DLGAP1: variants seen among roughly 807,000 people sequenced by gnomAD.
The protein encoded by DLGAP1 is DLG associated protein 1, also known as disks large-associated protein 1.
DLGAP1 carries 11 observed loss-of-function variants against 90.8 expected under a neutral mutation model. The ratio of observed to expected loss-of-function variants is 0.12; its 90% CI spans 0.08 to 0.20. The LOEUF (loss-of-function observed/expected upper bound fraction) is 0.20. Ranked by LOEUF, DLGAP1 falls within the 10% of genes least tolerant of loss-of-function variation. The pLI, the probability that DLGAP1 is intolerant of heterozygous loss-of-function variation, is 1.00. For missense variants in DLGAP1, 1,050 were observed against 1,333.8 expected (o/e 0.79, Z 3.31); for synonymous variants, 558 against 540.7 (o/e 1.03, Z -0.44).
At chr18:3,734,452 T>C (rs2062563986) in intron 6 of DLGAP1, among the ~76,000 whole-genome samples, 2 of 150,674 alleles carry the variant, frequency 1.3e-5, no homozygotes, top group African/African-American at 2.5e-5. Flanking sequence ...TTCCTTCCTT[T>C]CTAGTTCCTT....
intron 1 of DLGAP1, among the ~76,000 whole-genome samples, chr18:4,404,598 G>A (rs1215210231): frequency 6.6e-6 from 1 of 152,024 alleles, no homozygotes; most frequent in Non-Finnish European, 1.5e-5. Flanking sequence ...TAGCTTTGAG[G>A]GTTAAAATAA....
chr18:3,715,373 C>T (rs2061728293), intron 7 of DLGAP1, among the ~76,000 whole-genome samples: 1 of 152,234 alleles, frequency 6.6e-6, no homozygotes. Context: ...CCAGCTAACT[C>T]AGTAGCACTA....
At chr18:3,635,857 C>T (rs1358038177) in intron 7 of DLGAP1, among the ~76,000 whole-genome samples, 1 of 151,522 alleles carries the variant, frequency 6.6e-6, no homozygotes, top group East Asian at 2.0e-4. Context: ...CCTCAATAAT[C>T]ACTGGATTTT....
intron 2 of DLGAP1, among the ~76,000 whole-genome samples, chr18:4,122,528 G>T (rs1347259625): frequency 1.3e-5 from 2 of 152,200 alleles, no homozygotes; most frequent in Non-Finnish European, 2.9e-5. Flanking sequence ...GCAAGTCCCT[G>T]TGGAACTGTA....
Position 4,008,878 on chromosome 18 carries a change from C to T in DLGAP1, c.-158-3677G>A, listed in dbSNP as rs151192297. 6.0e-3 allele frequency among the ~76,000 whole-genome samples: 910 copies of T among 152,206 alleles called. 4 individuals carry two copies. Among genetic ancestry groups the T allele is most frequent in the South Asian group, 0.023 (113 of 4,824 alleles). ...CTGCTGATGAAGCCTTGCTACAGGACGTGGGAAGGGAGTGACAGCCACCGA... is the reference window on the plus strand; with the variant it reads ...CTGCTGATGAAGCCTTGCTACAGGATGTGGGAAGGGAGTGACAGCCACCGA... On this transcript the variant is annotated intron_variant, in intron 2 of 12. Transcript: ENST00000315677.
At chr18:3,884,221 T>C (rs2071252301) in intron 3 of DLGAP1, among the ~76,000 whole-genome samples, 1 of 152,216 alleles carries the variant, frequency 6.6e-6, no homozygotes, top group African/African-American at 2.4e-5. Flanking sequence ...GATGCAAAAA[T>C]CCATTGCATA....
chr18:3,659,718 A>T (rs1340777851), intron 7 of DLGAP1, among the ~76,000 whole-genome samples: 1 of 152,090 alleles, frequency 6.6e-6, no homozygotes, highest in Non-Finnish European at 1.5e-5. Flanking sequence ...GGCACGCCTG[A>T]CCACACCCAG....
At chr18:3,817,973 G>T (rs1016204865) in intron 4 of DLGAP1, among the ~76,000 whole-genome samples, 3 of 152,196 alleles carry the variant, frequency 2.0e-5, no homozygotes, top group African/African-American at 7.2e-5. Context: ...AAGAGTGCAG[G>T]TCCTCATTGA....
In DLGAP1 at chr18:3,879,098, G is replaced by T; in HGVS notation, c.957+14C>A. ...GTACTACTTCTAAGCCTCCATCATT[G>T]ACAGAAATGGTACCTGCAGGTACTG... On this transcript the variant is annotated intron_variant, in intron 4 of 12. Coordinates refer to ENST00000315677, the MANE Select transcript of DLGAP1 (RefSeq NM_004746.4). This position sits in a 1 kb window ranked among gnomAD's most constrained non-coding sequence, Gnocchi z 6.6. 1.3e-6 allele frequency: 2 copies of T among 1,486,232 alleles called. No homozygotes were observed. Among genetic ancestry groups the T allele is most frequent in the South Asian group, 2.9e-5 (2 of 69,882 alleles). The allele number at this position is 1,486,232 out of a possible 1,614,324, so 92.1% of individuals were successfully genotyped here.
chr18:3,520,168 C>T (rs554442612), intron 10 of DLGAP1, among the ~76,000 whole-genome samples: 15 of 152,208 alleles, frequency 9.9e-5, no homozygotes, highest in Admixed American at 8.5e-4. Context: ...AACCTTTCTG[C>T]CCCCACCCTA....
intron 2 of DLGAP1, among the ~76,000 whole-genome samples, chr18:4,091,509 A>G (rs1196498289): frequency 6.6e-6 from 1 of 152,174 alleles, no homozygotes; most frequent in African/African-American, 2.4e-5. Context: ...TTATACATAT[A>G]TTCAATCATT....
chr18:4,437,396 T>C (rs2083426345), intron 1 of DLGAP1, among the ~76,000 whole-genome samples: 1 of 152,206 alleles, frequency 6.6e-6, no homozygotes, highest in Admixed American at 6.5e-5. Context: ...TAGGACCTCC[T>C]GTAGATACCA....
intron 7 of DLGAP1, among the ~76,000 whole-genome samples, chr18:3,599,522 T>C (rs1004164942): frequency 5.3e-5 from 8 of 152,232 alleles, no homozygotes; most frequent in Non-Finnish European, 1.5e-5. Context: ...AGCTCTGTGC[T>C]AACTAAGCCC....
intron 3 of DLGAP1, among the ~76,000 whole-genome samples, chr18:3,956,326 C>A (rs566845092): frequency 2.0e-4 from 31 of 152,258 alleles, no homozygotes; most frequent in African/African-American, 6.3e-4. Context: ...AGATGTTTCA[C>A]CCTGAAAGAA....
At chr18:3,986,556 A>C (rs771372612) in intron 3 of DLGAP1, 1 of 151,684 alleles carries the variant, frequency 6.6e-6, no homozygotes, top group African/African-American at 2.4e-5. Flanking sequence ...TCATGCTTTT[A>C]TTTTCTTTAA....
chr18:4,049,644 G>A (rs2075104208), intron 2 of DLGAP1, among the ~76,000 whole-genome samples: 1 of 152,156 alleles, frequency 6.6e-6, no homozygotes, highest in Non-Finnish European at 1.5e-5. Context: ...ATCTGCCTTA[G>A]TCCTTGCTCT....
chr18:3,780,580 A>G (rs968082231), intron 5 of DLGAP1, among the ~76,000 whole-genome samples: 2 of 152,056 alleles, frequency 1.3e-5, no homozygotes, highest in African/African-American at 4.8e-5. Context: ...GCTGCTTGTG[A>G]TTATCCAACT....
intron 3 of DLGAP1, among the ~76,000 whole-genome samples, chr18:3,886,977 A>G (rs149638525): frequency 7.2e-5 from 11 of 152,340 alleles, no homozygotes; most frequent in Non-Finnish European, 1.6e-4. Context: ...GAGAAACAAA[A>G]GATAAAGGTT....
chr18:4,092,709 C>G (rs2075789368), intron 2 of DLGAP1, among the ~76,000 whole-genome samples: 1 of 151,994 alleles, frequency 6.6e-6, no homozygotes, highest in Non-Finnish European at 1.5e-5. Flanking sequence ...TAATATTTTT[C>G]CTGAAGTGGC....
Sources: gnomAD v4.1 joint callset for allele counts (sites outside exome capture counted in the v4.1 genomes callset) on GRCh38, gnomAD v4.1.1 for gene constraint, Gnocchi (gnomAD v3.1) non-coding constraint, MANE v1.5 for transcripts, NCBI Gene and HGNC (gene_info 2026-07-23, HGNC 2026-07-21) for gene names.